The following UBASH3A variants were observed in gnomAD, a reference collection of about 807,000 sequenced individuals.
UBASH3A encodes ubiquitin-associated and SH3 domain-containing protein A.
A neutral mutation model predicts 73.5 loss-of-function variants in UBASH3A; 63 were observed. The ratio of observed to expected loss-of-function variants is 0.86; its 90% CI spans 0.70 to 1.06. The LOEUF (loss-of-function observed/expected upper bound fraction) is 1.06, where lower values mean the gene tolerates loss of function less well. UBASH3A is among the 50% of genes least tolerant of loss of function. UBASH3A has a pLI of 0.00. For missense variants in UBASH3A, 860 were observed against 859.0 expected, an observed-to-expected ratio of 1.00 and a Z score of -0.02; for synonymous variants, 363 against 351.1, an observed-to-expected ratio of 1.03 and a Z score of -0.38.
intron 7 of UBASH3A, among the ~76,000 whole-genome samples, chr21:42,419,036 T>C (rs768256324): frequency 6.6e-6 from 1 of 152,194 alleles, no homozygotes. Context: ...TCTTATGGTA[T>C]TTATGGGTTG....
At chr21:42,409,202 A>C (rs1260239576) in intron 2 of UBASH3A, among the ~76,000 whole-genome samples, 1 of 152,202 alleles carries the variant, frequency 6.6e-6, no homozygotes, top group African/African-American at 2.4e-5. Flanking sequence ...GTCTGAGAGC[A>C]GGACTTACAC....
chr21:42,411,679 T>C (rs753768415), intron 3 of UBASH3A, among the ~76,000 whole-genome samples: 36 of 152,330 alleles, frequency 2.4e-4, no homozygotes, highest in Admixed American at 1.3e-3. Context: ...CCGTGGTTAG[T>C]GGAGCTCCCC....
At position 42,413,137 on chromosome 21, in the gene UBASH3A, C is replaced by T. The variant is rs1265282289; in HGVS notation, c.468C>T (p.Tyr156=). 3 of 1,614,108 alleles carry T rather than the reference C, an allele frequency of 1.9e-6. No homozygotes were observed. ...VPLALHSSIS[Y]LGFFVSGSPA... Reference sequence around the variant, plus strand: ...TGGCTCTCCACTCCTCCATCAGCTACCTCGGCTTCTTCGTCAGTGGCAGCC... The same window carrying T: ...TGGCTCTCCACTCCTCCATCAGCTATCTCGGCTTCTTCGTCAGTGGCAGCC... The change falls in exon 4 of 15, where the codon TAC becomes TAT. Residue 156 remains tyrosine (Y), a synonymous_variant. Coordinates refer to ENST00000319294, the MANE Select transcript of UBASH3A (RefSeq NM_018961.4). The surrounding 1 kb of genome is among the most constrained non-coding windows in gnomAD (Gnocchi z 4.5).
intron 10 of UBASH3A, among the ~76,000 whole-genome samples, chr21:42,436,904 G>T (rs8127703): frequency 0.054 from 8,216 of 152,326 alleles, 328 homozygotes; most frequent in Middle Eastern, 0.13. Flanking sequence ...CAAAGCCCAG[G>T]CCCACGAGGC....
chr21:42,439,092 A>C (rs1173621446), intron 11 of UBASH3A, among the ~76,000 whole-genome samples: 1 of 152,108 alleles, frequency 6.6e-6, no homozygotes, highest in Non-Finnish European at 1.5e-5. Flanking sequence ...GAGCACCTTC[A>C]AATCCAGGTG....
intron 7 of UBASH3A, among the ~76,000 whole-genome samples, chr21:42,420,362 T>C (rs1205294351): frequency 6.6e-6 from 1 of 152,240 alleles, no homozygotes; most frequent in East Asian, 1.9e-4. Context: ...TTATTTGTAT[T>C]TTTTAAATTG....
intron 7 of UBASH3A, among the ~76,000 whole-genome samples, chr21:42,419,819 C>T (rs944558247): frequency 2.0e-5 from 3 of 152,218 alleles, no homozygotes; most frequent in Non-Finnish European, 4.4e-5. Flanking sequence ...GTACAACATT[C>T]AACGAATTAC....
At position 42,438,247 on chromosome 21, in the gene UBASH3A, G is replaced by A. The variant is rs147378671; in HGVS notation, c.1486+667G>A. On this transcript the variant is annotated intron_variant, in intron 11 of 14. Coordinates refer to ENST00000319294, the MANE Select transcript of UBASH3A (RefSeq NM_018961.4). Reference sequence around the variant, plus strand: ...GTCGCCTCCATGGTGACAAGGGAGAGGGCAGAGCACACAGACACAGATGCA... The same window carrying A: ...GTCGCCTCCATGGTGACAAGGGAGAAGGCAGAGCACACAGACACAGATGCA... 4.1e-3 allele frequency among the ~76,000 whole-genome samples: 626 copies of A among 152,314 alleles called. 3 individuals are homozygous for A. Among genetic ancestry groups the A allele is most frequent in the African/African-American group, 0.014 (578 of 41,576 alleles).
intron 11 of UBASH3A, among the ~76,000 whole-genome samples, 174 bp downstream of exon 11, chr21:42,437,754 C>G (rs2053653696): frequency 6.6e-6 from 1 of 152,190 alleles, no homozygotes; most frequent in Non-Finnish European, 1.5e-5. Context: ...ATGCTGGGTC[C>G]GTGAGCGTGT....
At chr21:42,440,067 T>G (rs1424069273) in intron 11 of UBASH3A, among the ~76,000 whole-genome samples, 1 of 151,448 alleles carries the variant, frequency 6.6e-6, no homozygotes, top group Non-Finnish European at 1.5e-5. Flanking sequence ...GGGTTTCACT[T>G]GGGGGCTGAG....
rs760505168 is a variant in UBASH3A, at chr21:42,404,026, C to T, written c.81C>T (p.Pro27=). Residue 27 remains proline (P), a synonymous_variant, in exon 1 of 15, where the codon CCC becomes CCT. Transcript: ENST00000319294. ...GCAGCAGCCCCTCGCTCCTGGAGCC[C>T]CTCCTGGCCATGGGCTTCCCGGTGC... The part of the protein sequence containing the change: ...KSRSSPSLLE[P]LLAMGFPVHT... 10 of 1,526,300 alleles carry T rather than the reference C, an allele frequency of 6.6e-6. No homozygotes were observed. Among genetic ancestry groups the T allele is most frequent in the Middle Eastern group, 1.9e-4 (1 of 5,252 alleles). 94.5% of individuals were successfully genotyped at this position (1,526,300 alleles called of 1,614,324 possible). A position where few individuals can be genotyped will look rare whatever the true frequency, so the allele number is the denominator to read the frequency against.
rs1280566060 is a variant in UBASH3A, at chr21:42,409,419, C to A, written c.168-3C>A. 1.9e-6 allele frequency: 3 copies of A among 1,566,352 alleles called. No homozygotes were observed. Among genetic ancestry groups the A allele is most frequent in the Admixed American group, 2.0e-5 (1 of 50,636 alleles). On this transcript the variant is annotated splice_region_variant and splice_polypyrimidine_tract_variant and intron_variant, in intron 2 of 14. Coordinates refer to ENST00000319294, the MANE Select transcript of UBASH3A (RefSeq NM_018961.4). ...GGTGATGCCGGCTTGCTCTCTGTTG[C>A]AGGCTGCATGATCATTGCAATGACC...
At chr21:42,427,776 A>G (rs1338572547) in intron 8 of UBASH3A, among the ~76,000 whole-genome samples, 1 of 152,134 alleles carries the variant, frequency 6.6e-6, no homozygotes, top group Non-Finnish European at 1.5e-5. Flanking sequence ...CTTATTCCCT[A>G]GTCCCCAGGG....
chr21:42,444,116 G>A (rs910098314), intron 13 of UBASH3A, among the ~76,000 whole-genome samples: 9 of 152,192 alleles, frequency 5.9e-5, no homozygotes, highest in Admixed American at 6.5e-5. Context: ...AGACCCACTC[G>A]GCCTGTGGTC....
intron 2 of UBASH3A, among the ~76,000 whole-genome samples, chr21:42,407,419 C>A (rs1220782898): frequency 6.6e-6 from 1 of 152,144 alleles, no homozygotes; most frequent in African/African-American, 2.4e-5. Flanking sequence ...CCACTAAAGC[C>A]AGTTGCCAAT....
Position 42,403,962 on chromosome 21 carries a change from C to A in UBASH3A, c.17C>A (p.Thr6Lys), listed in dbSNP as rs776581725. 4 of 1,514,548 alleles carry A rather than the reference C, an allele frequency of 2.6e-6. No homozygotes were observed. The highest frequency in any genetic ancestry group is 3.6e-6 in the Non-Finnish European group (4 of 1,125,756). 93.8% of individuals were successfully genotyped at this position (1,514,548 alleles called of 1,614,324 possible). A position where few individuals can be genotyped will look rare whatever the true frequency, so the allele number is the denominator to read the frequency against. MAAGE[T>K]QLYAKVSNKL... ...CAGGAAGAGATGGCAGCGGGGGAGACGCAGCTCTACGCCAAGGTCTCCAAC... is the reference window on the plus strand; with the variant it reads ...CAGGAAGAGATGGCAGCGGGGGAGAAGCAGCTCTACGCCAAGGTCTCCAAC... The change falls in exon 1 of 15, where the codon ACG becomes AAG. Residue 6 changes from threonine (T) to lysine (K), a missense_variant. Physicochemically the swap from Thr to Lys is moderately conservative, Grantham distance 78. Coordinates refer to ENST00000319294, the MANE Select transcript of UBASH3A (RefSeq NM_018961.4).
chr21:42,411,241 C>T (rs545273940), intron 3 of UBASH3A, among the ~76,000 whole-genome samples: 1 of 151,876 alleles, frequency 6.6e-6, no homozygotes, highest in Non-Finnish European at 1.5e-5. Context: ...TACACAGACA[C>T]ACACAGATAG....
chr21:42,412,948 G>C (rs1408821070), intron 3 of UBASH3A, 76 bp from the exon 4 acceptor site: 4 of 1,226,406 alleles, frequency 3.3e-6, no homozygotes, highest in Non-Finnish European at 4.7e-6. Flanking sequence ...ATTGCTGCCT[G>C]ATTGTTATTA....
chr21:42,447,310 A>G lies in UBASH3A; in HGVS notation c.*116A>G, dbSNP rs1422961563. 3.6e-6 allele frequency: 4 copies of G among 1,123,332 alleles called. No homozygotes were observed. In the African/African-American group the frequency reaches 4.7e-5, roughly 13 times the overall value. 69.6% of individuals were successfully genotyped at this position (1,123,332 alleles called of 1,614,324 possible). On this transcript the variant is annotated 3_prime_UTR_variant, in exon 15 of 15. Coordinates refer to ENST00000319294, the MANE Select transcript of UBASH3A (RefSeq NM_018961.4). ...AGTCTCACCCAATGTGATTTGTAGA[A>G]GCACGAGACGCACTTTTATATCCCG...
Sources: allele counts gnomAD v4.1 joint callset (sites outside exome capture counted in the v4.1 genomes callset), GRCh38; gene constraint gnomAD v4.1.1; non-coding constraint Gnocchi (gnomAD v3.1); transcripts MANE v1.5; gene names NCBI Gene and HGNC (gene_info 2026-07-23, HGNC 2026-07-21).